FRMPD4: variants seen among roughly 807,000 people sequenced by gnomAD.
The protein encoded by FRMPD4 is FERM and PDZ domain containing 4.
FRMPD4 carries 22 observed loss-of-function variants against 94.1 expected under a neutral mutation model. The observed-to-expected ratio is 0.23, with a 90% confidence interval of 0.17 to 0.33. FRMPD4 has a LOEUF of 0.33. Among genes scored for constraint, FRMPD4 ranks in the 10% least tolerant of loss-of-function variants. FRMPD4 has a pLI of 1.00. For synonymous variants in FRMPD4, 631 were observed against 548.6 expected (o/e 1.15, Z -2.10); for missense variants, 1,111 against 1,339.9 (o/e 0.83, Z 2.67).
At position 12,458,001 on chromosome X, in the gene FRMPD4, T is replaced by C. The variant is rs73192446; in HGVS notation, c.42-40679T>C. Among the ~76,000 whole-genome samples the C allele has an allele frequency of 9.2e-3, 1,029 of 111,963 alleles. 12 individuals carry two copies. Among genetic ancestry groups the C allele is most frequent in the Non-Finnish European group, 0.013 (674 of 53,185 alleles). On this transcript the variant is annotated intron_variant, in intron 1 of 16. Coordinates refer to ENST00000675598, the MANE Select transcript of FRMPD4 (RefSeq NM_001368397.1). ...TCACTTAATGATAAGGTTTACTCAC[T>C]GTGCCTAGACAATTTGTACAATGTA... is the stretch of plus-strand genomic sequence containing the variant.
At chrX:11,941,148 C>T (rs1479261454) in intron 3 of FRMPD4, among the ~76,000 whole-genome samples, 1 of 49,208 alleles carries the variant, frequency 2.0e-5, no homozygotes, top group African/African-American at 6.0e-5. Flanking sequence ...TGCTTCGGCT[C>T]GCGCACGGTG....
intron 3 of FRMPD4, among the ~76,000 whole-genome samples, chrX:12,091,221 C>A (rs1601931398): frequency 1.8e-5 from 2 of 108,338 alleles, no homozygotes; most frequent in African/African-American, 6.7e-5. Flanking sequence ...GACATTGCTG[C>A]AAATTGTATC....
At chrX:11,985,564 G>A (rs1165379891) in intron 3 of FRMPD4, among the ~76,000 whole-genome samples, 1 of 112,112 alleles carries the variant, frequency 8.9e-6, no homozygotes, top group Non-Finnish European at 1.9e-5. Context: ...GGTACCAGGC[G>A]CTGTGAGGAA....
rs201071448 is a variant in FRMPD4 at position 12,338,540 on chromosome X, GGATACA to G, written c.42-160131_42-160126del. On this transcript the variant is annotated intron_variant, in intron 1 of 16. Coordinates refer to ENST00000675598, the MANE Select transcript of FRMPD4 (RefSeq NM_001368397.1). ...CTGAAAGAATTTACACACTATTTGG[GGATACA>G]GATACAGACATGATTTAAAAAGTAC... is the stretch of plus-strand genomic sequence containing the variant. Among the ~76,000 whole-genome samples, 662 of 111,731 alleles carry G rather than the reference GGATACA, an allele frequency of 5.9e-3. 5 individuals carry two copies. The highest frequency in any genetic ancestry group is 0.02 in the African/African-American group (612 of 30,732).
chrX:12,339,493 A>G (rs1227989577), intron 1 of FRMPD4, among the ~76,000 whole-genome samples: 1 of 112,405 alleles, frequency 8.9e-6, no homozygotes, highest in Admixed American at 9.4e-5. Context: ...ACAATTTGCC[A>G]GTTCATTAAT....
At chrX:12,183,809 A>G (rs2056391548) in intron 1 of FRMPD4, among the ~76,000 whole-genome samples, 1 of 110,726 alleles carries the variant, frequency 9.0e-6, no homozygotes, top group African/African-American at 3.3e-5. Context: ...TTTAGAATAT[A>G]TAAATAGAAG....
chrX:12,662,527 G>A (rs1363593886), intron 4 of FRMPD4, among the ~76,000 whole-genome samples: 1 of 112,058 alleles, frequency 8.9e-6, no homozygotes, highest in African/African-American at 3.2e-5. Flanking sequence ...CAAAGGACCT[G>A]AACTCATCCT....
Position 12,563,640 on chromosome X carries a change from T to A in FRMPD4, c.159-46081T>A, listed in dbSNP as rs554628846. ...GTGCCAGTACTGTTTTCTTAGAAAG[T>A]CTCAACCTTGCAGAAACGTGAAAAT... On this transcript the variant is annotated intron_variant, in intron 2 of 16. Transcript: ENST00000675598. 1.2e-4 allele frequency among the ~76,000 whole-genome samples: 13 copies of A among 111,889 alleles called. No homozygotes were observed. In the East Asian group the frequency reaches 3.6e-3, roughly 31 times the overall value.
At chrX:12,265,995 C>T (rs1263825597) in intron 1 of FRMPD4, among the ~76,000 whole-genome samples, 2 of 107,206 alleles carry the variant, frequency 1.9e-5, no homozygotes, top group Non-Finnish European at 3.9e-5. Flanking sequence ...TAGCCGGGCG[C>T]GGTGGCAGGC....
At chrX:12,119,686 C>T (rs1057080447) in intron 3 of FRMPD4, among the ~76,000 whole-genome samples, 2 of 112,305 alleles carry the variant, frequency 1.8e-5, no homozygotes, top group Admixed American at 9.4e-5. Context: ...CATGTGAAGG[C>T]GAAGCAGGGA....
chrX:12,396,327 G>A (rs1431933655), intron 1 of FRMPD4, among the ~76,000 whole-genome samples: 10 of 94,511 alleles, frequency 1.1e-4, no homozygotes, highest in African/African-American at 3.5e-4. Flanking sequence ...TAGGTTTGGA[G>A]ATTTAAAAAA....
intron 1 of FRMPD4, among the ~76,000 whole-genome samples, chrX:12,226,713 G>A (rs960403763): frequency 5.4e-5 from 6 of 111,050 alleles, no homozygotes; most frequent in Non-Finnish European, 1.1e-4. Flanking sequence ...GGCCCAGATG[G>A]ATGCCAGACA....
rs999893381 is a variant in FRMPD4 at position 12,245,263 on chromosome X, C to T, written c.41+106251C>T. On this transcript the variant is annotated intron_variant, in intron 1 of 16. Transcript: ENST00000675598. ...CTTAATCTGGGCTTTCCTTTTAAAGCGCTCTTGCCCAGAAATGATAAGAAA... is the reference window on the plus strand; with the variant it reads ...CTTAATCTGGGCTTTCCTTTTAAAGTGCTCTTGCCCAGAAATGATAAGAAA... 2.7e-5 allele frequency among the ~76,000 whole-genome samples: 3 copies of T among 111,206 alleles called. No homozygotes were observed. In the East Asian group the frequency reaches 8.5e-4, roughly 31 times the overall value.
At chrX:12,139,274 A>G (rs1028540448) in intron 1 of FRMPD4, among the ~76,000 whole-genome samples, 6 of 111,102 alleles carry the variant, frequency 5.4e-5, no homozygotes, top group African/African-American at 2.0e-4. Context: ...TGTTTTCCCT[A>G]AGGAAAAGCC....
chrX:12,151,771 C>T (rs2055854589), intron 1 of FRMPD4, among the ~76,000 whole-genome samples: 1 of 111,701 alleles, frequency 9.0e-6, no homozygotes, highest in Non-Finnish European at 1.9e-5. Context: ...TTAACAGCTA[C>T]ATGTACCACG....
At chrX:12,315,034 C>T (rs560805118) in intron 1 of FRMPD4, among the ~76,000 whole-genome samples, 3 of 112,069 alleles carry the variant, frequency 2.7e-5, no homozygotes, top group Non-Finnish European at 3.8e-5. Flanking sequence ...TGAGTAAACA[C>T]CATGGATCAG....
intron 1 of FRMPD4, among the ~76,000 whole-genome samples, chrX:12,350,986 C>T (rs144554098): frequency 0.038 from 4,271 of 111,200 alleles, 113 homozygotes; most frequent in African/African-American, 0.095. Flanking sequence ...CCATCCTGGC[C>T]AACATGGTGA....
chrX:12,298,922 C>G (rs2054815025), intron 1 of FRMPD4, among the ~76,000 whole-genome samples: 1 of 111,862 alleles, frequency 8.9e-6, no homozygotes, highest in Admixed American at 9.5e-5. Context: ...GACTGAAAAT[C>G]TATCCATAGA....
chrX:11,888,262 T>C (rs2053856623), intron 3 of FRMPD4, among the ~76,000 whole-genome samples: 1 of 111,948 alleles, frequency 8.9e-6, no homozygotes, highest in Non-Finnish European at 1.9e-5. Flanking sequence ...AAATTCTACT[T>C]TGTGTACACT....
Sources: allele counts gnomAD v4.1 joint callset (sites outside exome capture counted in the v4.1 genomes callset), GRCh38; gene constraint gnomAD v4.1.1; transcripts MANE v1.5; gene names NCBI Gene and HGNC (gene_info 2026-07-23, HGNC 2026-07-21).